The following DMXL1 variants were observed in gnomAD, a reference collection of about 807,000 sequenced individuals.
DMXL1 encodes the protein dmX-like protein 1.
In DMXL1, 99 loss-of-function variants were observed where a neutral mutation model predicts 319.2. The observed-to-expected ratio is 0.31, with a 90% CI of 0.26 to 0.37. The LOEUF (loss-of-function observed/expected upper bound fraction) is 0.37, where lower values mean the gene tolerates loss of function less well. Among genes scored for constraint, DMXL1 ranks in the 10% least tolerant of loss-of-function variants. The pLI is 1.00. For missense variants in DMXL1, 3,745 were observed against 3,595.6 expected (o/e 1.04, Z -1.06); for synonymous variants, 1,385 against 1,235.2 (o/e 1.12, Z -2.54).
intron 34 of DMXL1, among the ~76,000 whole-genome samples, chr5:119,207,399 C>A (rs1781934515): frequency 6.6e-6 from 1 of 151,958 alleles, no homozygotes; most frequent in South Asian, 2.1e-4. Flanking sequence ...TAGCAAAGTG[C>A]CTTAAGAGGA....
chr5:119,197,016 G>A (rs780241904), intron 31 of DMXL1, among the ~76,000 whole-genome samples: 2 of 152,150 alleles, frequency 1.3e-5, no homozygotes, highest in African/African-American at 4.8e-5. Flanking sequence ...TATTAAGCAT[G>A]TTATTTAGAT....
chr5:119,244,577 G>A lies in DMXL1; in HGVS notation c.8922+1G>A. The A allele has an allele frequency of 2.5e-6, 4 of 1,611,654 alleles. No homozygotes were observed. The highest frequency in any genetic ancestry group is 3.4e-6 in the Non-Finnish European group (4 of 1,177,968). On this transcript the variant is annotated splice_donor_variant, in intron 43 of 43. Coordinates refer to ENST00000539542, the MANE Select transcript of DMXL1 (RefSeq NM_001290321.3). LOFTEE classifies it high-confidence loss of function. ...AGGATCTGCCGAAGGCAATATAAAG[G>A]TAAACACAGTTGATGCCACAACATC...
chr5:119,188,502 A>G (rs1239170890), intron 28 of DMXL1, among the ~76,000 whole-genome samples: 1 of 152,238 alleles, frequency 6.6e-6, no homozygotes, highest in Admixed American at 6.5e-5. Flanking sequence ...AAATATCTCT[A>G]TAGTTCTCAC....
At chr5:119,153,890 C>T (rs1230512063) in intron 19 of DMXL1, among the ~76,000 whole-genome samples, 1 of 152,238 alleles carries the variant, frequency 6.6e-6, no homozygotes, top group African/African-American at 2.4e-5. Flanking sequence ...AGTCTTTCAG[C>T]ACCGTTTTTC....
At chr5:119,173,799 A>ATATATATATATATATAT in intron 25 of DMXL1, among the ~76,000 whole-genome samples, 2 of 44,282 alleles carry the variant, frequency 4.5e-5, no homozygotes, top group Non-Finnish European at 4.6e-5. Flanking sequence ...TATATATATA[A>ATATATATATATATATAT]TGAGAGAGAG....
At chr5:119,132,127 T>A (rs1286600152) in intron 10 of DMXL1, among the ~76,000 whole-genome samples, 3 of 152,178 alleles carry the variant, frequency 2.0e-5, no homozygotes, top group African/African-American at 7.2e-5. Flanking sequence ...CTGGACTGTT[T>A]GCGGGCTGTG....
chr5:119,133,143 G>T lies in DMXL1; in HGVS notation c.1327G>T (p.Gly443Cys), dbSNP rs1298337169. ...DVKSDEETDD[G>C]VDDLKINPEK... ...TCTTTTGCTTATAGAAACTGATGAT[G>T]GTGTTGATGATCTGAAAATAAATCC... Residue 443 changes from glycine (G) to cysteine (C), a missense_variant, in exon 11 of 44, where the codon GGT becomes TGT. Coordinates refer to ENST00000539542, the MANE Select transcript of DMXL1 (RefSeq NM_001290321.3). 4 of 1,613,736 alleles carry T rather than the reference G, an allele frequency of 2.5e-6. No homozygotes were observed. The highest frequency in any genetic ancestry group is 3.3e-5 in the Admixed American group (2 of 59,974).
At chr5:119,207,142 G>C (rs960191416) in intron 34 of DMXL1, among the ~76,000 whole-genome samples, 1 of 152,072 alleles carries the variant, frequency 6.6e-6, no homozygotes, top group Non-Finnish European at 1.5e-5. Flanking sequence ...AAATTTTTCT[G>C]AGTAAATACA....
rs1161950293 is a variant in DMXL1 at position 119,121,149 on chromosome 5, CAT to C, written c.1102+11_1102+12del. The C allele has an allele frequency of 6.3e-7, 1 of 1,580,716 alleles. No individual in the cohort carries two copies. Among genetic ancestry groups the C allele is most frequent in the Non-Finnish European group, 8.6e-7 (1 of 1,166,598 alleles). On this transcript the variant is annotated intron_variant, in intron 9 of 43. Coordinates refer to ENST00000539542, the MANE Select transcript of DMXL1 (RefSeq NM_001290321.3). ...ATCAACCCAGCCACAGGTAATGAAACATTGTTCAAAACATGTTTCTGAAATTG... is the reference window on the plus strand; with the variant it reads ...ATCAACCCAGCCACAGGTAATGAAACTGTTCAAAACATGTTTCTGAAATTG...
In DMXL1 at chr5:119,203,174, G is replaced by T. The variant is rs562833206; in HGVS notation, c.7746-145G>T. On this transcript the variant is annotated intron_variant, in intron 32 of 43. Transcript: ENST00000539542. ...TAATCCTTTAAGGAAATCCTTTAAG[G>T]AAAAGGTTGGCCATATGATCTGCCT... The T allele has an allele frequency of 1.8e-3, 914 of 500,576 alleles. 4 individuals carry two copies. Among genetic ancestry groups the T allele is most frequent in the Admixed American group, 9.4e-4 (29 of 30,704 alleles). 31.0% of individuals were successfully genotyped at this position (500,576 alleles called of 1,614,324 possible).
chr5:119,176,032 A>T (rs66814301), intron 26 of DMXL1, among the ~76,000 whole-genome samples: 89,501 of 151,634 alleles, frequency 0.59, 27,197 homozygotes, highest in East Asian at 0.97. Context: ...CCTATATTCC[A>T]TTTCTTTATC....
intron 19 of DMXL1, among the ~76,000 whole-genome samples, chr5:119,161,450 A>G (rs899069775): frequency 2.0e-5 from 3 of 152,246 alleles, no homozygotes; most frequent in African/African-American, 7.2e-5. Flanking sequence ...CCAGATGGAC[A>G]GATTCAGAGG....
intron 38 of DMXL1, among the ~76,000 whole-genome samples, chr5:119,228,259 G>A (rs1785966145): frequency 6.6e-6 from 1 of 152,156 alleles, no homozygotes; most frequent in Non-Finnish European, 1.5e-5. Flanking sequence ...TCTCCTTGAA[G>A]ACAGAGCACT....
chr5:119,220,855 C>A, intron 36 of DMXL1, 85 bp from the exon 37 acceptor site: 1 of 1,480,484 alleles, frequency 6.8e-7, no homozygotes. Flanking sequence ...TTAAAGGGAA[C>A]TATAAATTCA....
At chr5:119,076,528 C>A (rs1042840298) in intron 1 of DMXL1, among the ~76,000 whole-genome samples, 3 of 151,920 alleles carry the variant, frequency 2.0e-5, no homozygotes, top group Non-Finnish European at 4.4e-5. Flanking sequence ...ATTGCAAGTA[C>A]TAAAGTGGAC....
intron 6 of DMXL1, among the ~76,000 whole-genome samples, chr5:119,115,715 C>T (rs1580785927): frequency 6.6e-6 from 1 of 152,234 alleles, no homozygotes; most frequent in Middle Eastern, 3.4e-3. Flanking sequence ...TATATATTAA[C>T]TCATTTTTTT....
chr5:119,131,324 A>G (rs377284982), intron 10 of DMXL1, among the ~76,000 whole-genome samples: 1 of 152,118 alleles, frequency 6.6e-6, no homozygotes, highest in Non-Finnish European at 1.5e-5. Flanking sequence ...GAATATACAT[A>G]TTTACCTGTA....
chr5:119,227,716 T>A (rs1260609107), intron 38 of DMXL1, among the ~76,000 whole-genome samples: 1 of 152,164 alleles, frequency 6.6e-6, no homozygotes, highest in African/African-American at 2.4e-5. Context: ...CAATATGATA[T>A]ATGAGTCAAA....
intron 28 of DMXL1, among the ~76,000 whole-genome samples, chr5:119,186,939 G>C (rs906763126): frequency 2.6e-5 from 4 of 151,886 alleles, no homozygotes; most frequent in African/African-American, 9.7e-5. Context: ...GTGGGGGGAT[G>C]GGGGAGGGAT....
Sources: gnomAD v4.1 joint callset for allele counts (sites outside exome capture counted in the v4.1 genomes callset) on GRCh38, gnomAD v4.1.1 for gene constraint, MANE v1.5 for transcripts, NCBI Gene and HGNC (gene_info 2026-07-23, HGNC 2026-07-21) for gene names.